The following SIAH1 variants were observed in gnomAD, a reference collection of about 807,000 sequenced individuals.
SIAH1 encodes the protein siah E3 ubiquitin protein ligase 1.
In SIAH1, 2 loss-of-function variants were observed where a neutral mutation model predicts 20.0. The observed-to-expected ratio is 0.10, with a 90% confidence interval of 0.04 to 0.31. The LOEUF is 0.31. Among genes scored for constraint, SIAH1 ranks in the 10% least tolerant of loss-of-function variants. The probability of loss-of-function intolerance (pLI) is 1.00; values close to 1 mark genes in which losing one functional copy is unlikely to be tolerated. For missense variants in SIAH1, 119 were observed against 355.3 expected, an observed-to-expected ratio of 0.33 and a Z score of 5.35; for synonymous variants, 118 against 125.3, an observed-to-expected ratio of 0.94 and a Z score of 0.39.
intron 1 of SIAH1, among the ~76,000 whole-genome samples, chr16:48,378,474 T>C (rs1321636610): frequency 6.6e-6 from 1 of 152,252 alleles, no homozygotes; most frequent in Non-Finnish European, 1.5e-5. Context: ...TGGTTTCCTG[T>C]GAAGGGGGCG....
intron 1 of SIAH1, chr16:48,365,400 T>C (rs757419373): frequency 3.2e-5 from 52 of 1,613,896 alleles, no homozygotes; most frequent in Non-Finnish European, 4.2e-5. Flanking sequence ...TTCTCTTCCT[T>C]GTCCTGGCCG....
intron 1 of SIAH1, among the ~76,000 whole-genome samples, chr16:48,381,567 T>C (rs1961293049): frequency 2.0e-5 from 3 of 152,164 alleles, no homozygotes; most frequent in African/African-American, 7.2e-5. Context: ...CAGATTATTA[T>C]GCAGCCCTAA....
In SIAH1 at chr16:48,362,503, T is replaced by C. The variant is rs1555487298; in HGVS notation, c.-2-73A>G. On this transcript the variant is annotated intron_variant, in intron 1 of 1. Transcript: ENST00000394725. The surrounding 1 kb of genome is among the most constrained non-coding windows in gnomAD (Gnocchi z 4.2). ...ACTTACTTTATAAATAATGTTTACA[T>C]GCCATAAGTCCTTTTAAAGTTTCAT... is the stretch of plus-strand genomic sequence containing the variant. The C allele has an allele frequency of 2.0e-6, 3 of 1,466,002 alleles. No homozygotes were observed. The South Asian group carries it at 3.6e-5, about 18-fold the overall frequency. The allele number at this position is 1,466,002 out of a possible 1,614,324, so 90.8% of individuals were successfully genotyped here. A position where few individuals can be genotyped will look rare whatever the true frequency, so the allele number is the denominator to read the frequency against.
Position 48,365,552 on chromosome 16 carries a change from A to C in SIAH1, c.-2-3122T>G, listed in dbSNP as rs1291910301. 4 of 1,546,542 alleles carry C rather than the reference A, an allele frequency of 2.6e-6. No individual in the cohort carries two copies. The African/African-American group carries it at 5.5e-5, about 21-fold the overall frequency. ...CCCCTCCTGGGCTCTTTCTGCTCCT[A>C]AGCACAGAAGACCCAAATTCGCGTC... On this transcript the variant is annotated intron_variant, in intron 1 of 1. Coordinates refer to ENST00000394725, the MANE Select transcript of SIAH1 (RefSeq NM_003031.4).
chr16:48,380,981 T>A (rs1597033705), intron 1 of SIAH1, among the ~76,000 whole-genome samples: 2 of 129,824 alleles, frequency 1.5e-5, no homozygotes, highest in African/African-American at 2.9e-5. Flanking sequence ...TAGCTCCAAA[T>A]CCGGCCGAGG....
At chr16:48,364,485 G>A (rs1960749814) in intron 1 of SIAH1, among the ~76,000 whole-genome samples, 1 of 152,168 alleles carries the variant, frequency 6.6e-6, no homozygotes. Flanking sequence ...GGCAACAAAA[G>A]TGACAATTCC....
chr16:48,379,853 C>T (rs1403694660), intron 1 of SIAH1, among the ~76,000 whole-genome samples: 2 of 152,074 alleles, frequency 1.3e-5, no homozygotes, highest in Non-Finnish European at 2.9e-5. Context: ...AAGTAAAGTC[C>T]AAAATGGCAG....
rs916392859 is a variant in SIAH1 at position 48,362,579 on chromosome 16, T to TA, written c.-2-150dup. On this transcript the variant is annotated intron_variant, in intron 1 of 1. Coordinates refer to ENST00000394725, the MANE Select transcript of SIAH1 (RefSeq NM_003031.4). The surrounding 1 kb of genome is among the most constrained non-coding windows in gnomAD (Gnocchi z 4.2). ...AGAAAAATAGGATTAAAAAAGATATTAAAAAAATAAAATTACACTGAATGT... is the reference window on the plus strand; with the variant it reads ...AGAAAAATAGGATTAAAAAAGATATTAAAAAAAATAAAATTACACTGAATGT... The TA allele has an allele frequency of 4.0e-6, 3 of 749,384 alleles. No individual in the cohort carries two copies. The highest frequency in any genetic ancestry group is 2.9e-5 in the Admixed American group (1 of 33,926). The allele number at this position is 749,384 out of a possible 1,614,324, so 46.4% of individuals were successfully genotyped here.
intron 1 of SIAH1, among the ~76,000 whole-genome samples, chr16:48,383,483 C>A (rs1299441077): frequency 6.6e-6 from 1 of 152,224 alleles, no homozygotes; most frequent in Non-Finnish European, 1.5e-5. Flanking sequence ...TTTGCCACCA[C>A]ACTACATTCT....
chr16:48,385,605 G>A (rs981053186), upstream of SIAH1, among the ~76,000 whole-genome samples: 2 of 151,986 alleles, frequency 1.3e-5, no homozygotes, highest in Admixed American at 6.6e-5. Flanking sequence ...AGGTGCGGGG[G>A]CTACTCGGCT....
chr16:48,385,734 C>T (rs1273919024), upstream of SIAH1, among the ~76,000 whole-genome samples: 1 of 152,048 alleles, frequency 6.6e-6, no homozygotes, highest in Non-Finnish European at 1.5e-5. Context: ...CGCTTTGTTC[C>T]GGGGCCGCGT....
At chr16:48,367,490 T>C (rs1251601518) in intron 1 of SIAH1, among the ~76,000 whole-genome samples, 1 of 152,246 alleles carries the variant, frequency 6.6e-6, no homozygotes, top group East Asian at 1.9e-4. Flanking sequence ...CACCAGTTGT[T>C]GAGCTGTAAA....
intron 1 of SIAH1, among the ~76,000 whole-genome samples, chr16:48,375,431 G>C (rs1597029539): frequency 6.6e-6 from 1 of 152,186 alleles, no homozygotes; most frequent in Non-Finnish European, 1.5e-5. Context: ...CTTGAGGTCA[G>C]GAGTTGGAGA....
At chr16:48,365,076 ATT>A (rs1319806994) in intron 1 of SIAH1, 1 of 281,968 alleles carries the variant, frequency 3.5e-6, no homozygotes, top group Non-Finnish European at 6.8e-6. Flanking sequence ...GAACGGAGGT[ATT>A]ACAGGACAGC....
At chr16:48,379,899 T>C (rs1181767401) in intron 1 of SIAH1, among the ~76,000 whole-genome samples, 1 of 152,198 alleles carries the variant, frequency 6.6e-6, no homozygotes. Flanking sequence ...GGAGAGGCTA[T>C]GTACTTACGA....
intron 1 of SIAH1, among the ~76,000 whole-genome samples, chr16:48,381,580 A>G (rs1032498668): frequency 4.6e-5 from 7 of 152,340 alleles, no homozygotes; most frequent in African/African-American, 1.7e-4. Flanking sequence ...AGCCCTAAAG[A>G]AATGAATTAC....
intron 1 of SIAH1, chr16:48,366,042 C>G: frequency 4.9e-6 from 2 of 409,528 alleles, no homozygotes; most frequent in Non-Finnish European, 6.9e-6. Context: ...GGGCCGTGCC[C>G]GCAAGCCCCG....
chr16:48,374,553 A>G (rs1228227061), intron 1 of SIAH1, among the ~76,000 whole-genome samples: 1 of 152,198 alleles, frequency 6.6e-6, no homozygotes, highest in African/African-American at 2.4e-5. Flanking sequence ...ACGGGGTTAC[A>G]ATAAACAGAA....
At position 48,361,504 on chromosome 16, in the gene SIAH1, T is replaced by C; in HGVS notation, c.*76A>G. The C allele has an allele frequency of 6.8e-7, 1 of 1,473,840 alleles. No homozygotes were observed. The highest frequency in any genetic ancestry group is 1.4e-5 in the African/African-American group (1 of 72,412). 91.3% of individuals were successfully genotyped at this position (1,473,840 alleles called of 1,614,324 possible). On this transcript the variant is annotated 3_prime_UTR_variant, in exon 2 of 2. Transcript: ENST00000394725. ...TCCACCTACCGAAAGAGTTTTAGGT[T>C]GGCAGACAGATGGGTGCCTTATTTT...
Sources: gnomAD v4.1 joint callset for allele counts (sites outside exome capture counted in the v4.1 genomes callset) on GRCh38, gnomAD v4.1.1 for gene constraint, Gnocchi (gnomAD v3.1) non-coding constraint, MANE v1.5 for transcripts, NCBI Gene and HGNC (gene_info 2026-07-23, HGNC 2026-07-21) for gene names.